GPC5: variants seen among roughly 807,000 people sequenced by gnomAD.
GPC5 encodes glypican-5.
A neutral mutation model predicts 53.9 loss-of-function variants in GPC5; 47 were observed. The observed-to-expected ratio is 0.87, with a 90% confidence interval of 0.69 to 1.11. The LOEUF (loss-of-function observed/expected upper bound fraction) is 1.11, where lower values mean the gene tolerates loss of function less well. GPC5 is among the 50% of genes most tolerant of loss of function. The pLI is 0.00. For synonymous variants in GPC5, 286 were observed against 263.3 expected (o/e 1.09, Z -0.84); for missense variants, 748 against 713.1 (o/e 1.05, Z -0.56).
At chr13:92,356,472 A>G (rs1441085726) in intron 7 of GPC5, among the ~76,000 whole-genome samples, 4 of 152,340 alleles carry the variant, frequency 2.6e-5, no homozygotes, top group African/African-American at 9.6e-5. Flanking sequence ...CATATTCCAG[A>G]TCAGAAATAA....
At chr13:91,402,167 C>A (rs548519260) in intron 1 of GPC5, among the ~76,000 whole-genome samples, 1 of 152,262 alleles carries the variant, frequency 6.6e-6, no homozygotes, top group East Asian at 1.9e-4. Context: ...AAAAATAATA[C>A]ATTTAGATAA....
Position 92,501,673 on chromosome 13 carries a change from G to C in GPC5, c.1561+356684G>C, listed in dbSNP as rs146561859. 2.0e-3 allele frequency among the ~76,000 whole-genome samples: 303 copies of C among 152,128 alleles called. 1 individual carries two copies. Among genetic ancestry groups the C allele is most frequent in the African/African-American group, 6.9e-3 (285 of 41,542 alleles). ...AATCCAAGAAAACAAAAAGAGTAAA[G>C]AGTCTTAAGAGCATCCAGAGAAAAC... On this transcript the variant is annotated intron_variant, in intron 7 of 7. Transcript: ENST00000377067.
At position 91,918,568 on chromosome 13, in the gene GPC5, A is replaced by C. The variant is rs368554781; in HGVS notation, c.1401+10511A>C. Among the ~76,000 whole-genome samples, 13 of 152,220 alleles carry C rather than the reference A, an allele frequency of 8.5e-5. No individual in the cohort carries two copies. In the East Asian group the frequency reaches 2.5e-3, roughly 29 times the overall value. On this transcript the variant is annotated intron_variant, in intron 6 of 7. Coordinates refer to ENST00000377067, the MANE Select transcript of GPC5 (RefSeq NM_004466.6). ...TCAGTTTTGCTCTTTTTAATTCCTC[A>C]CCCACTAGTAATTTCCCAACACACT... is the stretch of plus-strand genomic sequence containing the variant.
At chr13:92,028,205 G>A (rs138994828) in intron 6 of GPC5, among the ~76,000 whole-genome samples, 7,875 of 151,916 alleles carry the variant, frequency 0.052, 284 homozygotes, top group Non-Finnish European at 0.076. Flanking sequence ...CACGGGAGGG[G>A]GAATCTTGCA....
At chr13:91,762,396 A>T (rs1346513837) in intron 5 of GPC5, among the ~76,000 whole-genome samples, 1 of 151,712 alleles carries the variant, frequency 6.6e-6, no homozygotes, top group Non-Finnish European at 1.5e-5. Flanking sequence ...TACAGCATTC[A>T]ATTACATTTT....
chr13:92,660,498 TATATGCAC>T (rs1272180123), intron 7 of GPC5, among the ~76,000 whole-genome samples: 1 of 152,000 alleles, frequency 6.6e-6, no homozygotes, highest in African/African-American at 2.4e-5. Context: ...TATATACATA[TATATGCAC>T]ATATGTGAAC....
chr13:92,044,768 C>G (rs1594741414), intron 6 of GPC5, among the ~76,000 whole-genome samples: 1 of 152,120 alleles, frequency 6.6e-6, no homozygotes, highest in Non-Finnish European at 1.5e-5. Context: ...AAAGACATAA[C>G]CCATCCAGAT....
chr13:92,382,303 C>T (rs144006679), intron 7 of GPC5, among the ~76,000 whole-genome samples: 1 of 151,900 alleles, frequency 6.6e-6, no homozygotes, highest in Non-Finnish European at 1.5e-5. Context: ...CCAAAATCTC[C>T]CAAATCACCA....
intron 7 of GPC5, among the ~76,000 whole-genome samples, chr13:92,556,790 G>T (rs1410625775): frequency 6.6e-6 from 1 of 151,618 alleles, no homozygotes; most frequent in African/African-American, 2.4e-5. Flanking sequence ...TTCTTAAAAC[G>T]GTGTTAATCA....
At chr13:91,730,184 C>T (rs1297911393) in intron 4 of GPC5, among the ~76,000 whole-genome samples, 4 of 152,206 alleles carry the variant, frequency 2.6e-5, no homozygotes, top group Non-Finnish European at 5.9e-5. Context: ...TTTATTACCA[C>T]TCTTTAGAGG....
At chr13:92,718,999 A>C (rs1429090414) in intron 7 of GPC5, among the ~76,000 whole-genome samples, 1 of 152,104 alleles carries the variant, frequency 6.6e-6, no homozygotes, top group Admixed American at 6.6e-5. Flanking sequence ...ACCTGATGTG[A>C]TTATTATGCA....
intron 7 of GPC5, among the ~76,000 whole-genome samples, chr13:92,692,931 G>A (rs138972857): frequency 8.5e-4 from 129 of 151,792 alleles, no homozygotes; most frequent in African/African-American, 3.0e-3. Context: ...AGGTATTGAG[G>A]GAGAGACCTG....
Position 91,399,081 on chromosome 13 carries a change from G to C in GPC5, c.35G>C (p.Cys12Ser). Residue 12 changes from cysteine to serine, a missense_variant, in exon 1 of 8, where the codon TGC becomes TCC. Physicochemically the swap from Cys to Ser is moderately radical, Grantham distance 112. Transcript: ENST00000377067. Reference sequence around the variant, plus strand: ...CAGACCTGGCCCGTGGGCTTTCGCTGCCTCCTCCTTCTGGCCCTGGTTGGG... The same window carrying C: ...CAGACCTGGCCCGTGGGCTTTCGCTCCCTCCTCCTTCTGGCCCTGGTTGGG... ...DAQTWPVGFR[C>S]LLLLALVGSA... 6.3e-7 allele frequency: 1 copy of C among 1,585,522 alleles called. No homozygotes were observed. The highest frequency in any genetic ancestry group is 8.6e-7 in the Non-Finnish European group (1 of 1,166,232).
chr13:91,807,753 G>T (rs1191057449), intron 5 of GPC5, among the ~76,000 whole-genome samples: 6 of 152,160 alleles, frequency 3.9e-5, no homozygotes, highest in Non-Finnish European at 8.8e-5. Flanking sequence ...GGGTGTAAAT[G>T]CAGGTCAATC....
chr13:92,685,454 T>A, intron 7 of GPC5, among the ~76,000 whole-genome samples: 1 of 152,010 alleles, frequency 6.6e-6, no homozygotes, highest in East Asian at 1.9e-4. Flanking sequence ...TTTCCACATA[T>A]ATTTGTAATA....
At chr13:91,697,560 G>GA (rs1354629389) in intron 3 of GPC5, among the ~76,000 whole-genome samples, 4 of 151,984 alleles carry the variant, frequency 2.6e-5, no homozygotes, top group African/African-American at 4.8e-5. Flanking sequence ...TTATGAATGA[G>GA]AAAAAATTGA....
intron 7 of GPC5, among the ~76,000 whole-genome samples, chr13:92,154,812 A>G (rs909267121): frequency 6.6e-6 from 1 of 152,210 alleles, no homozygotes; most frequent in African/African-American, 2.4e-5. Context: ...TCATGACTGC[A>G]ATCTGAGCAC....
intron 6 of GPC5, among the ~76,000 whole-genome samples, chr13:92,101,384 A>C (rs1370082153): frequency 6.6e-6 from 1 of 152,210 alleles, no homozygotes; most frequent in Non-Finnish European, 1.5e-5. Context: ...ATAATTAGCT[A>C]GCTTGTTTAC....
chr13:92,107,930 C>A (rs2041522769), intron 6 of GPC5, among the ~76,000 whole-genome samples: 1 of 152,170 alleles, frequency 6.6e-6, no homozygotes, highest in Non-Finnish European at 1.5e-5. Flanking sequence ...CTAAATCCAT[C>A]CAATACTAAT....
Sources: allele counts gnomAD v4.1 joint callset (sites outside exome capture counted in the v4.1 genomes callset), GRCh38; gene constraint gnomAD v4.1.1; transcripts MANE v1.5; gene names NCBI Gene and HGNC (gene_info 2026-07-23, HGNC 2026-07-21).